Variants in RTL4 observed in about 807,000 individuals in gnomAD.
RTL4 encodes the protein retrotransposon Gag-like protein 4.
Under a neutral mutation model 5.3 loss-of-function variants are expected in RTL4, and 4 were observed. The observed-to-expected ratio is 0.75, with a 90% CI of 0.37 to 1.72. The LOEUF is 1.72. Among genes scored for constraint, RTL4 ranks in the 40% most tolerant of loss-of-function variants. The pLI is 0.04. For missense variants in RTL4, 260 were observed against 227.1 expected, an observed-to-expected ratio of 1.14 and a Z score of -0.93; for synonymous variants, 98 against 87.3, an observed-to-expected ratio of 1.12 and a Z score of -0.68.
the RTL4 span, among the ~76,000 whole-genome samples, chrX:112,262,330 C>T: frequency 9.0e-6 from 1 of 111,623 alleles, no homozygotes; most frequent in Non-Finnish European, 1.9e-5. Flanking sequence ...CTACAAAGAA[C>T]TCAAACAAAT....
At chrX:112,100,960 C>G in the RTL4 span, among the ~76,000 whole-genome samples, 1 of 111,843 alleles carries the variant, frequency 8.9e-6, no homozygotes, top group African/African-American at 3.3e-5. Flanking sequence ...TTACAACTGT[C>G]TTAGTTTTTG....
At chrX:112,195,621 T>C in the RTL4 span, among the ~76,000 whole-genome samples, 3 of 111,394 alleles carry the variant, frequency 2.7e-5, no homozygotes, top group African/African-American at 9.8e-5. Context: ...GGGAGATAAG[T>C]AGTACTGAGG....
chrX:112,180,267 G>C, the RTL4 span, among the ~76,000 whole-genome samples: 1 of 111,346 alleles, frequency 9.0e-6, no homozygotes, highest in Non-Finnish European at 1.9e-5. Context: ...CTGGAGGCTC[G>C]ACATCTAAAT....
At chrX:112,403,718 A>C in the RTL4 span, among the ~76,000 whole-genome samples, 1 of 112,132 alleles carries the variant, frequency 8.9e-6, no homozygotes, top group East Asian at 2.8e-4. Flanking sequence ...CACCTGCTAG[A>C]CAAATTCTTG....
the RTL4 span, among the ~76,000 whole-genome samples, chrX:112,260,136 T>C: frequency 8.9e-6 from 1 of 111,886 alleles, no homozygotes; most frequent in Non-Finnish European, 1.9e-5. Context: ...TACCAAATCT[T>C]GGTTGCCTAG....
the RTL4 span, among the ~76,000 whole-genome samples, chrX:112,168,708 G>C: frequency 4.5e-5 from 5 of 111,820 alleles, no homozygotes; most frequent in Admixed American, 9.4e-5. Context: ...AAAAGGGGAG[G>C]AACTCTCAGT....
chrX:112,369,484 G>T, the RTL4 span, among the ~76,000 whole-genome samples: 1 of 110,796 alleles, frequency 9.0e-6, no homozygotes, highest in Non-Finnish European at 1.9e-5. Flanking sequence ...CCTTACCTCA[G>T]GTCTTCACAG....
chrX:112,256,984 T>G, the RTL4 span, among the ~76,000 whole-genome samples: 90 of 111,760 alleles, frequency 8.1e-4, no homozygotes, highest in Non-Finnish European at 1.4e-3. Context: ...ATGACATATT[T>G]GATTTCATCA....
chrX:112,356,200 A>C, the RTL4 span, among the ~76,000 whole-genome samples: 3 of 111,699 alleles, frequency 2.7e-5, no homozygotes, highest in Admixed American at 2.8e-4. Flanking sequence ...CCCTAGCACA[A>C]GTAAGCCAGT....
chrX:112,279,703 T>C, the RTL4 span, among the ~76,000 whole-genome samples: 5,437 of 110,759 alleles, frequency 0.049, 319 homozygotes, highest in African/African-American at 0.17. Context: ...CAATGTAACA[T>C]GGTGTATTAA....
chrX:112,116,813 C>T, the RTL4 span, among the ~76,000 whole-genome samples: 3 of 111,571 alleles, frequency 2.7e-5, no homozygotes, highest in Non-Finnish European at 3.8e-5. Flanking sequence ...CAGCATATTG[C>T]CTGTAGAACA....
the RTL4 span, among the ~76,000 whole-genome samples, chrX:112,209,802 T>G: frequency 8.9e-6 from 1 of 111,790 alleles, no homozygotes; most frequent in African/African-American, 3.3e-5. Flanking sequence ...GGTGACTTGA[T>G]GACCCATAGC....
At chrX:112,090,513 C>T in the RTL4 span, among the ~76,000 whole-genome samples, 8 of 110,486 alleles carry the variant, frequency 7.2e-5, no homozygotes, top group African/African-American at 2.3e-4. Flanking sequence ...ATGGTTTTTT[C>T]CTTCATTCTA....
At chrX:112,202,927 A>G in the RTL4 span, among the ~76,000 whole-genome samples, 20 of 111,803 alleles carry the variant, frequency 1.8e-4, no homozygotes, top group African/African-American at 6.2e-4. Context: ...TCCCTGGTAT[A>G]TGCTGTTTTC....
At chrX:112,202,217 A>G in the RTL4 span, among the ~76,000 whole-genome samples, 1 of 111,926 alleles carries the variant, frequency 8.9e-6, no homozygotes, top group South Asian at 3.7e-4. Context: ...TATTCAAATC[A>G]TTCAGTGTGT....
At chrX:112,243,474 A>G in the RTL4 span, among the ~76,000 whole-genome samples, 2 of 111,345 alleles carry the variant, frequency 1.8e-5, no homozygotes, top group African/African-American at 3.3e-5. Flanking sequence ...ATTTTCTAGT[A>G]TATTTGTGTA....
the RTL4 span, among the ~76,000 whole-genome samples, chrX:112,135,061 C>T: frequency 2.7e-5 from 3 of 112,102 alleles, no homozygotes; most frequent in Non-Finnish European, 5.7e-5. Flanking sequence ...CTTAGATAAA[C>T]ATGTAGGAAT....
At chrX:112,239,306 A>G in the RTL4 span, among the ~76,000 whole-genome samples, 3 of 110,675 alleles carry the variant, frequency 2.7e-5, no homozygotes, top group Non-Finnish European at 3.8e-5. Context: ...GCGGGCTTCT[A>G]TCCCTGCCTA....
the RTL4 span, among the ~76,000 whole-genome samples, chrX:112,088,072 A>G: frequency 9.3e-6 from 1 of 107,888 alleles, no homozygotes. Flanking sequence ...GCACGTCTCA[A>G]ACTCCTGGGC....
Sources: allele counts gnomAD v4.1 joint callset (sites outside exome capture counted in the v4.1 genomes callset), GRCh38; gene constraint gnomAD v4.1.1; transcripts MANE v1.5; gene names NCBI Gene and HGNC (gene_info 2026-07-23, HGNC 2026-07-21).